PRTFDC1: variants seen among roughly 807,000 people sequenced by gnomAD.
PRTFDC1 encodes phosphoribosyltransferase domain-containing protein 1.
PRTFDC1 carries 38 observed loss-of-function variants against 34.6 expected under a neutral mutation model. The ratio of observed to expected loss-of-function variants is 1.10; its 90% confidence interval spans 0.85 to 1.44. The LOEUF is 1.44. PRTFDC1 is among the 40% of genes most tolerant of loss of function. The probability of loss-of-function intolerance (pLI) is 0.00; values close to 1 mark genes in which losing one functional copy is unlikely to be tolerated. For synonymous variants in PRTFDC1, 93 were observed against 98.1 expected (o/e 0.95, Z 0.31); for missense variants, 270 against 283.0 (o/e 0.95, Z 0.33).
At chr10:24,901,317 T>C (rs1419452458) in intron 3 of PRTFDC1, among the ~76,000 whole-genome samples, 3 of 152,094 alleles carry the variant, frequency 2.0e-5, no homozygotes, top group Non-Finnish European at 2.9e-5. Flanking sequence ...ATGTCAGCAA[T>C]TAAGGGTGAA....
intron 7 of PRTFDC1, among the ~76,000 whole-genome samples, chr10:24,852,895 G>T (rs977272144): frequency 6.6e-6 from 1 of 152,084 alleles, no homozygotes; most frequent in African/African-American, 2.4e-5. Context: ...AGAAAGTACT[G>T]GAGGTACTTA....
chr10:24,862,438 G>A (rs987342848), intron 4 of PRTFDC1, among the ~76,000 whole-genome samples: 7 of 151,412 alleles, frequency 4.6e-5, no homozygotes, highest in East Asian at 2.0e-4. Flanking sequence ...GCAATGGCGC[G>A]ATCTTGGCTC....
At chr10:24,932,350 A>T (rs1848985140) in intron 3 of PRTFDC1, among the ~76,000 whole-genome samples, 1 of 151,978 alleles carries the variant, frequency 6.6e-6, no homozygotes. Flanking sequence ...AGTATAAAGG[A>T]AGAAGCAAAA....
chr10:24,905,160 A>T (rs954278099), intron 3 of PRTFDC1, among the ~76,000 whole-genome samples: 1 of 151,936 alleles, frequency 6.6e-6, no homozygotes, highest in African/African-American at 2.4e-5. Flanking sequence ...AAAAAAAAAA[A>T]AAATTAGCCA....
intron 3 of PRTFDC1, among the ~76,000 whole-genome samples, chr10:24,891,859 A>G (rs1848267877): frequency 6.6e-6 from 1 of 152,210 alleles, no homozygotes; most frequent in African/African-American, 2.4e-5. Flanking sequence ...ACAGAGATAA[A>G]TAAGGTGGGC....
intron 3 of PRTFDC1, among the ~76,000 whole-genome samples, chr10:24,874,892 T>A (rs1168363933): frequency 6.6e-6 from 1 of 152,212 alleles, no homozygotes; most frequent in Non-Finnish European, 1.5e-5. Context: ...GTTACCTTCA[T>A]GCTGTTCTCA....
intron 3 of PRTFDC1, among the ~76,000 whole-genome samples, chr10:24,914,054 A>G (rs575958189): frequency 3.3e-5 from 5 of 152,368 alleles, no homozygotes; most frequent in Non-Finnish European, 5.9e-5. Flanking sequence ...ACACTGCCCT[A>G]TGAATTTCTT....
intron 6 of PRTFDC1, among the ~76,000 whole-genome samples, chr10:24,856,667 G>A (rs1018599179): frequency 6.6e-6 from 1 of 152,156 alleles, no homozygotes; most frequent in African/African-American, 2.4e-5. Flanking sequence ...GCTGCTCCTG[G>A]AAACAGCTAA....
chr10:24,849,541 A>G lies in PRTFDC1; in HGVS notation c.*303T>C, dbSNP rs1004843509. ...ATTCCTGGGAATACTAATCAAATATAATGACTGTATCAAAACAAAGGAAGG... is the reference window on the plus strand; with the variant it reads ...ATTCCTGGGAATACTAATCAAATATGATGACTGTATCAAAACAAAGGAAGG... On this transcript the variant is annotated 3_prime_UTR_variant, in exon 9 of 9. Coordinates refer to ENST00000320152, the MANE Select transcript of PRTFDC1 (RefSeq NM_020200.7). The G allele has an allele frequency of 5.4e-5, 15 of 277,568 alleles. No homozygotes were observed. Among genetic ancestry groups the G allele is most frequent in the Middle Eastern group, 2.1e-3 (2 of 936 alleles). The allele number at this position is 277,568 out of a possible 1,614,324, so 17.2% of individuals were successfully genotyped here. A position where few individuals can be genotyped will look rare whatever the true frequency, so the allele number is the denominator to read the frequency against.
intron 3 of PRTFDC1, among the ~76,000 whole-genome samples, chr10:24,914,739 T>C (rs1588611759): frequency 6.6e-6 from 1 of 152,208 alleles, no homozygotes; most frequent in African/African-American, 2.4e-5. Flanking sequence ...AAGAACTTTA[T>C]TAAAACTACA....
intron 3 of PRTFDC1, among the ~76,000 whole-genome samples, chr10:24,909,241 A>G (rs1848588424): frequency 1.3e-5 from 2 of 152,210 alleles, no homozygotes; most frequent in South Asian, 2.1e-4. Context: ...TGATTGTGTC[A>G]TTGCACTCCA....
At chr10:24,871,573 C>T (rs11014271) in intron 4 of PRTFDC1, among the ~76,000 whole-genome samples, 18,410 of 151,564 alleles carry the variant, frequency 0.12, 1,401 homozygotes, top group South Asian at 0.22. Flanking sequence ...TTTCTCTTCC[C>T]TCCCCAGATT....
At chr10:24,922,188 C>G (rs1302852621) in intron 3 of PRTFDC1, among the ~76,000 whole-genome samples, 1 of 152,098 alleles carries the variant, frequency 6.6e-6, no homozygotes, top group African/African-American at 2.4e-5. Context: ...CATTCTATAT[C>G]AGTTACAAAA....
At chr10:24,904,851 C>T (rs1848507554) in intron 3 of PRTFDC1, among the ~76,000 whole-genome samples, 1 of 152,204 alleles carries the variant, frequency 6.6e-6, no homozygotes, top group Non-Finnish European at 1.5e-5. Flanking sequence ...ATTCCCTAGT[C>T]AATCCCTTCC....
At chr10:24,941,999 A>G (rs1048918166) in intron 2 of PRTFDC1, among the ~76,000 whole-genome samples, 2 of 152,200 alleles carry the variant, frequency 1.3e-5, no homozygotes, top group Admixed American at 1.3e-4. Flanking sequence ...AGTTTATTTG[A>G]TCACGGAACG....
At chr10:24,870,098 A>G (rs1406140267) in intron 4 of PRTFDC1, among the ~76,000 whole-genome samples, 2 of 152,088 alleles carry the variant, frequency 1.3e-5, no homozygotes, top group African/African-American at 2.4e-5. Flanking sequence ...CAAGGTATGG[A>G]TATACAGATT....
intron 3 of PRTFDC1, among the ~76,000 whole-genome samples, chr10:24,882,001 G>T (rs1848086325): frequency 1.3e-5 from 2 of 152,006 alleles, no homozygotes; most frequent in Admixed American, 1.3e-4. Flanking sequence ...GAGGTCAGGA[G>T]TTCGAGACCA....
chr10:24,936,896 G>A (rs191011880), intron 3 of PRTFDC1, among the ~76,000 whole-genome samples: 5 of 152,124 alleles, frequency 3.3e-5, no homozygotes, highest in Admixed American at 3.3e-4. Context: ...TGTGGGGCTG[G>A]GCACCAGGAT....
chr10:24,949,239 A>G (rs1219178791), intron 1 of PRTFDC1, among the ~76,000 whole-genome samples: 2 of 151,918 alleles, frequency 1.3e-5, no homozygotes, highest in African/African-American at 2.4e-5. Context: ...ACAGGCATGC[A>G]CCACCATGCC....
Sources: gnomAD v4.1 joint callset for allele counts (sites outside exome capture counted in the v4.1 genomes callset) on GRCh38, gnomAD v4.1.1 for gene constraint, MANE v1.5 for transcripts, NCBI Gene and HGNC (gene_info 2026-07-23, HGNC 2026-07-21) for gene names.